The following AGBL1 variants were observed in gnomAD, a reference collection of about 807,000 sequenced individuals.
The protein encoded by AGBL1 is cytosolic carboxypeptidase 4.
In AGBL1, 130 loss-of-function variants were observed where a neutral mutation model predicts 118.9. The observed-to-expected ratio is 1.09, with a 90% CI of 0.95 to 1.26. The LOEUF (loss-of-function observed/expected upper bound fraction) is 1.26. Ranked by LOEUF, AGBL1 falls within the 50% of genes most tolerant of loss-of-function variation. The pLI is 0.00. For missense variants in AGBL1, 1,584 were observed against 1,298.1 expected, an observed-to-expected ratio of 1.22 and a Z score of -3.38; for synonymous variants, 555 against 478.9, an observed-to-expected ratio of 1.16 and a Z score of -2.08.
At chr15:86,444,159 A>C in intron 18 of AGBL1, among the ~76,000 whole-genome samples, 1 of 152,202 alleles carries the variant, frequency 6.6e-6, no homozygotes, top group East Asian at 1.9e-4. Context: ...AACTGGGGTA[A>C]GATGATATCT....
intron 21 of AGBL1, among the ~76,000 whole-genome samples, chr15:86,561,859 A>T (rs2083826870): frequency 1.3e-5 from 2 of 152,120 alleles, no homozygotes; most frequent in African/African-American, 4.8e-5. Flanking sequence ...CTCCTTGAAG[A>T]GGTCCTTCAC....
At chr15:86,342,024 A>G (rs1407877626) in intron 17 of AGBL1, among the ~76,000 whole-genome samples, 1 of 152,226 alleles carries the variant, frequency 6.6e-6, no homozygotes, top group African/African-American at 2.4e-5. Flanking sequence ...TGTGAAAAGC[A>G]GTGGGCTAGT....
At chr15:86,858,284 T>G (rs1212824120) in intron 22 of AGBL1, among the ~76,000 whole-genome samples, 1 of 152,136 alleles carries the variant, frequency 6.6e-6, no homozygotes, top group Admixed American at 6.5e-5. Flanking sequence ...GAAAATTAGA[T>G]ATAATAGGGA....
chr15:86,667,263 T>TA (rs2085663925), intron 21 of AGBL1, among the ~76,000 whole-genome samples: 1 of 151,934 alleles, frequency 6.6e-6, no homozygotes, highest in African/African-American at 2.4e-5. Context: ...TGTATCTATC[T>TA]ATCTATCTGT....
chr15:86,902,694 G>A (rs554985450), intron 22 of AGBL1, among the ~76,000 whole-genome samples: 1 of 152,134 alleles, frequency 6.6e-6, no homozygotes. Flanking sequence ...TAGGTTGTCA[G>A]TTCTTTGCTT....
chr15:86,998,275 C>A (rs1445875903), intron 24 of AGBL1, among the ~76,000 whole-genome samples: 4 of 152,196 alleles, frequency 2.6e-5, no homozygotes, highest in Admixed American at 2.0e-4. Context: ...CAAGTAGATT[C>A]TCTCAATTGA....
chr15:86,339,944 G>A (rs1485618686), intron 17 of AGBL1, among the ~76,000 whole-genome samples: 1 of 150,950 alleles, frequency 6.6e-6, no homozygotes, highest in East Asian at 1.9e-4. Context: ...CCAGCCTGGC[G>A]ACAGGGCGGG....
Position 86,638,138 on chromosome 15 carries a change from A to G in AGBL1, c.2995-36135A>G, listed in dbSNP as rs549658816. ...CCAGAACTGCTCCTGCCCTTTTGAA[A>G]AAAATCCTACAATGGTGGCCATCTT... On this transcript the variant is annotated intron_variant, in intron 21 of 22. Coordinates refer to ENST00000614907, the MANE Select transcript of AGBL1 (RefSeq NM_001386094.1). Among the ~76,000 whole-genome samples the G allele has an allele frequency of 5.9e-5, 9 of 152,322 alleles. No individual in the cohort carries two copies. The East Asian group carries it at 1.5e-3, about 26-fold the overall frequency.
chr15:86,495,559 T>C (rs972221354), intron 18 of AGBL1, among the ~76,000 whole-genome samples: 12 of 151,980 alleles, frequency 7.9e-5, no homozygotes, highest in Non-Finnish European at 1.3e-4. Flanking sequence ...ATTCTGTTTT[T>C]TGATGCCAGA....
At chr15:86,996,901 C>T (rs1195313518) in intron 24 of AGBL1, among the ~76,000 whole-genome samples, 1 of 152,030 alleles carries the variant, frequency 6.6e-6, no homozygotes, top group African/African-American at 2.4e-5. Flanking sequence ...GTTTTGCTCC[C>T]TTTTAATACT....
chr15:86,274,502 A>C (rs988871991), intron 15 of AGBL1, among the ~76,000 whole-genome samples: 1 of 152,204 alleles, frequency 6.6e-6, no homozygotes, highest in Non-Finnish European at 1.5e-5. Flanking sequence ...TAGGTAATAC[A>C]ATCTGTAAAT....
rs1425559700 is a variant in AGBL1 at position 86,817,218 on chromosome 15, G to A, written c.3159-89869G>A. On this transcript the variant is annotated intron_variant, in intron 22 of 22. Coordinates refer to ENST00000614907, the MANE Select transcript of AGBL1 (RefSeq NM_001386094.1). ...GAGGCAGCAGAATTGCTTGATCTCA[G>A]AAGGCGGAGGTTGCAGTGACCCAAG... 9.3e-5 allele frequency among the ~76,000 whole-genome samples: 14 copies of A among 149,916 alleles called. No homozygotes were observed. The East Asian group carries it at 2.6e-3, about 28-fold the overall frequency.
At chr15:86,603,910 G>A (rs1170305042) in intron 21 of AGBL1, among the ~76,000 whole-genome samples, 3 of 152,002 alleles carry the variant, frequency 2.0e-5, no homozygotes, top group East Asian at 3.9e-4. Context: ...TTTCCAAGAC[G>A]AAGGAGGACA....
chr15:86,462,956 T>G (rs2142088448), intron 18 of AGBL1, among the ~76,000 whole-genome samples: 1 of 152,214 alleles, frequency 6.6e-6, no homozygotes, highest in East Asian at 1.9e-4. Context: ...GGGTACCCAG[T>G]AATGGGATTG....
At chr15:86,134,718 A>G in intron 1 of AGBL1, among the ~76,000 whole-genome samples, 1 of 142,532 alleles carries the variant, frequency 7.0e-6, no homozygotes, top group South Asian at 2.2e-4. Flanking sequence ...GGTTCAAACG[A>G]CTCTTCTGCC....
At chr15:86,859,542 C>T (rs886731869) in intron 22 of AGBL1, among the ~76,000 whole-genome samples, 4 of 152,142 alleles carry the variant, frequency 2.6e-5, no homozygotes, top group Non-Finnish European at 5.9e-5. Flanking sequence ...GGGATGCTGT[C>T]CTTTGGGTTC....
At chr15:86,298,360 ATATATATATGAATATATTCT>A (rs1567185909) in intron 17 of AGBL1, among the ~76,000 whole-genome samples, 1 of 131,180 alleles carries the variant, frequency 7.6e-6, no homozygotes, top group African/African-American at 2.8e-5. Context: ...ATATATTCTT[ATATATATATGAATATATTCT>A]TATATATATA....
intron 18 of AGBL1, among the ~76,000 whole-genome samples, chr15:86,499,054 C>G (rs1035528813): frequency 6.6e-6 from 1 of 151,820 alleles, no homozygotes; most frequent in African/African-American, 2.4e-5. Context: ...TACTTCTTTA[C>G]CCAATTCCAC....
chr15:86,387,789 G>T lies in AGBL1; in HGVS notation c.2375-9577G>T, dbSNP rs142474204. ...CCCAGTGCGGTGAGTAGGACCATCA[G>T]AATCTCTGTTCCCCGCTCTGCCAAT... On this transcript the variant is annotated intron_variant, in intron 17 of 22. Coordinates refer to ENST00000614907, the MANE Select transcript of AGBL1 (RefSeq NM_001386094.1). Among the ~76,000 whole-genome samples, 223 of 152,288 alleles carry T rather than the reference G, an allele frequency of 1.5e-3. 1 individual carries two copies. Among genetic ancestry groups the T allele is most frequent in the African/African-American group, 5.2e-3 (216 of 41,556 alleles).
Sources: gnomAD v4.1 joint callset for allele counts (sites outside exome capture counted in the v4.1 genomes callset) on GRCh38, gnomAD v4.1.1 for gene constraint, MANE v1.5 for transcripts, NCBI Gene and HGNC (gene_info 2026-07-23, HGNC 2026-07-21) for gene names.